RBFOX1: variants seen among roughly 807,000 people sequenced by gnomAD.
The protein encoded by RBFOX1 is RNA binding fox-1 homolog 1.
A neutral mutation model predicts 57.7 loss-of-function variants in RBFOX1; 8 were observed. The observed-to-expected ratio is 0.14, with a 90% CI of 0.08 to 0.25. The LOEUF is 0.25. Among genes scored for constraint, RBFOX1 ranks in the 10% least tolerant of loss-of-function variants. RBFOX1 has a pLI of 1.00. For missense variants in RBFOX1, 611 were observed against 548.5 expected (o/e 1.11, Z -1.14); for synonymous variants, 326 against 222.4 (o/e 1.47, Z -4.15).
intron 3 of RBFOX1, among the ~76,000 whole-genome samples, chr16:6,944,755 C>T (rs1315126612): frequency 6.6e-6 from 1 of 152,120 alleles, no homozygotes; most frequent in African/African-American, 2.4e-5. Context: ...AGTCCTGTTG[C>T]CATAGTACCC....
Position 7,442,856 on chromosome 16 carries a change from C to A in RBFOX1, c.28-75291C>A, listed in dbSNP as rs150382363. Among the ~76,000 whole-genome samples, 12 of 152,114 alleles carry A rather than the reference C, an allele frequency of 7.9e-5. No individual in the cohort carries two copies. The East Asian group carries it at 1.7e-3, about 22-fold the overall frequency. On this transcript the variant is annotated intron_variant, in intron 4 of 15. Coordinates refer to ENST00000550418, the MANE Select transcript of RBFOX1 (RefSeq NM_018723.4). ...GTTTTTTTTCTGATTCAGGACCTGGCCTATGGCCCCTGAGAAGGATTTATC... is the reference window on the plus strand; with the variant it reads ...GTTTTTTTTCTGATTCAGGACCTGGACTATGGCCCCTGAGAAGGATTTATC...
chr16:7,590,248 C>T (rs1490863452), intron 7 of RBFOX1, among the ~76,000 whole-genome samples: 1 of 151,862 alleles, frequency 6.6e-6, no homozygotes, highest in Non-Finnish European at 1.5e-5. Context: ...GCTTGGGTGA[C>T]AGAGTGAGTC....
At chr16:6,318,293 A>G (rs1053315080) in intron 2 of RBFOX1, among the ~76,000 whole-genome samples, 1 of 152,212 alleles carries the variant, frequency 6.6e-6, no homozygotes, top group Non-Finnish European at 1.5e-5. Flanking sequence ...TACGTGCCAC[A>G]TCTATCTTTT....
At chr16:6,599,029 A>T (rs1489540086) in intron 2 of RBFOX1, among the ~76,000 whole-genome samples, 2 of 152,176 alleles carry the variant, frequency 1.3e-5, no homozygotes, top group Admixed American at 1.3e-4. Flanking sequence ...GATCTGTCTC[A>T]TAATGTGAAT....
At chr16:6,923,128 A>G (rs895952942) in intron 3 of RBFOX1, among the ~76,000 whole-genome samples, 8 of 152,162 alleles carry the variant, frequency 5.3e-5, no homozygotes, top group African/African-American at 1.9e-4. Flanking sequence ...TCCAAAGGAG[A>G]TAGGAAAGCA....
intron 1 of RBFOX1, among the ~76,000 whole-genome samples, chr16:6,188,702 A>T (rs1353711906): frequency 6.6e-6 from 1 of 152,220 alleles, no homozygotes; most frequent in Admixed American, 6.5e-5. Context: ...ATGAGACTAC[A>T]CTGAATGAAG....
At chr16:5,452,106 C>G (rs2068443258) in intron 1 of RBFOX1, among the ~76,000 whole-genome samples, 2 of 140,540 alleles carry the variant, frequency 1.4e-5, no homozygotes, top group African/African-American at 5.8e-5. Context: ...ATTTATCTCT[C>G]TCTCTCTCTC....
chr16:7,428,654 A>G (rs1317061685), intron 4 of RBFOX1, among the ~76,000 whole-genome samples: 4 of 151,746 alleles, frequency 2.6e-5, no homozygotes, highest in Non-Finnish European at 4.4e-5. Flanking sequence ...TACAGGTGTG[A>G]GTCACTGCAC....
At chr16:6,121,683 G>A (rs1229609121) in intron 1 of RBFOX1, among the ~76,000 whole-genome samples, 2 of 152,096 alleles carry the variant, frequency 1.3e-5, no homozygotes, top group Non-Finnish European at 2.9e-5. Flanking sequence ...GTTAACAGGT[G>A]GGGAGCTCTT....
intron 1 of RBFOX1, among the ~76,000 whole-genome samples, chr16:6,143,749 A>G (rs1038172901): frequency 2.0e-5 from 3 of 152,120 alleles, no homozygotes; most frequent in African/African-American, 7.2e-5. Context: ...ACTCTTAAGT[A>G]GAAGACTACC....
chr16:7,078,641 C>T (rs972505055), intron 4 of RBFOX1, among the ~76,000 whole-genome samples: 1 of 151,488 alleles, frequency 6.6e-6, no homozygotes, highest in African/African-American at 2.4e-5. Context: ...AGCCACCACA[C>T]CCAGCCCGAC....
At chr16:6,762,091 T>C (rs549562362) in intron 3 of RBFOX1, among the ~76,000 whole-genome samples, 2 of 152,310 alleles carry the variant, frequency 1.3e-5, no homozygotes, top group East Asian at 3.9e-4. Context: ...TTCTATCTTC[T>C]GCTAGTTGAG....
rs146719304 is a variant in RBFOX1 at position 7,531,739 on chromosome 16, C to T, written c.270+13350C>T. 1.2e-4 allele frequency among the ~76,000 whole-genome samples: 19 copies of T among 152,266 alleles called. No homozygotes were observed. In the East Asian group the frequency reaches 3.5e-3, roughly 28 times the overall value. On this transcript the variant is annotated intron_variant, in intron 5 of 15. Transcript: ENST00000550418. Reference sequence around the variant, plus strand: ...TTCCAAAACCCATTTTGTGTGATTACCCCGTTAGTAGTTTATTTTACCTAA... The same window carrying T: ...TTCCAAAACCCATTTTGTGTGATTATCCCGTTAGTAGTTTATTTTACCTAA...
chr16:5,582,277 C>T (rs545666010), intron 2 of RBFOX1, among the ~76,000 whole-genome samples: 53 of 152,224 alleles, frequency 3.5e-4, no homozygotes, highest in Middle Eastern at 3.4e-3. Context: ...GCTGCACGGG[C>T]CTTCACAGCA....
intron 1 of RBFOX1, among the ~76,000 whole-genome samples, chr16:5,244,011 C>G (rs1297132982): frequency 6.6e-6 from 1 of 152,022 alleles, no homozygotes; most frequent in Non-Finnish European, 1.5e-5. Flanking sequence ...ATTCTCCTGC[C>G]TCAGCCTCCG....
chr16:7,083,706 C>T (rs1028437793), intron 4 of RBFOX1, among the ~76,000 whole-genome samples: 1 of 152,188 alleles, frequency 6.6e-6, no homozygotes, highest in South Asian at 2.1e-4. Context: ...TCAGCTATTT[C>T]ACTCCTTTCC....
At chr16:5,886,304 T>A (rs2057898336) in intron 4 of RBFOX1, among the ~76,000 whole-genome samples, 1 of 152,188 alleles carries the variant, frequency 6.6e-6, no homozygotes, top group African/African-American at 2.4e-5. Context: ...ACAGAGATGA[T>A]GGGTGGTTAT....
At chr16:6,164,334 A>G (rs968801143) in intron 1 of RBFOX1, among the ~76,000 whole-genome samples, 2 of 152,258 alleles carry the variant, frequency 1.3e-5, no homozygotes, top group African/African-American at 4.8e-5. Flanking sequence ...ACATTTCTGA[A>G]AGCTAACTCT....
At chr16:6,891,520 C>A (rs1005578717) in intron 3 of RBFOX1, among the ~76,000 whole-genome samples, 1 of 152,014 alleles carries the variant, frequency 6.6e-6, no homozygotes, top group Non-Finnish European at 1.5e-5. Flanking sequence ...GCTACATAAA[C>A]TTCCCAGTCC....
Sources: gnomAD v4.1 joint callset for allele counts (sites outside exome capture counted in the v4.1 genomes callset) on GRCh38, gnomAD v4.1.1 for gene constraint, MANE v1.5 for transcripts, NCBI Gene and HGNC (gene_info 2026-07-23, HGNC 2026-07-21) for gene names.